Variants in CRADD observed in about 807,000 individuals in gnomAD.
CRADD encodes death domain-containing protein CRADD.
A neutral mutation model predicts 15.5 loss-of-function variants in CRADD; 9 were observed. That is an observed-to-expected ratio of 0.58 (90% CI 0.35 to 1.01). The LOEUF is 1.01. Among genes scored for constraint, CRADD ranks in the 50% least tolerant of loss-of-function variants. The pLI, the probability that CRADD is intolerant of heterozygous loss-of-function variation, is 0.02. For missense variants in CRADD, 227 were observed against 250.3 expected (o/e 0.91, Z 0.63); for synonymous variants, 118 against 107.6 (o/e 1.10, Z -0.60).
chr12:93,828,477 T>C (rs184843224), intron 2 of CRADD, among the ~76,000 whole-genome samples: 1 of 152,380 alleles, frequency 6.6e-6, no homozygotes, highest in Non-Finnish European at 1.5e-5. Context: ...GTTGAATTAA[T>C]TTTTGTGTAT....
intron 2 of CRADD, among the ~76,000 whole-genome samples, chr12:93,704,891 G>GTGT (rs1248352901): frequency 5.9e-5 from 9 of 152,152 alleles, no homozygotes; most frequent in African/African-American, 2.2e-4. Flanking sequence ...TCTGTGCCTG[G>GTGT]TGTGCCCTGC....
chr12:93,806,476 A>AAAAG (rs1957540692), intron 2 of CRADD, among the ~76,000 whole-genome samples: 2 of 150,176 alleles, frequency 1.3e-5, no homozygotes, highest in African/African-American at 4.9e-5. Flanking sequence ...AAAAAAACAA[A>AAAAG]AAAAAGAAAA....
chr12:93,806,794 G>A (rs1293718585), intron 2 of CRADD, among the ~76,000 whole-genome samples: 1 of 152,126 alleles, frequency 6.6e-6, no homozygotes, highest in Non-Finnish European at 1.5e-5. Flanking sequence ...AGGTTTTAAT[G>A]ACCTTATTGA....
chr12:93,779,535 A>G (rs1957177201), intron 2 of CRADD, among the ~76,000 whole-genome samples: 1 of 152,096 alleles, frequency 6.6e-6, no homozygotes, highest in Admixed American at 6.5e-5. Flanking sequence ...GAGAAATAAA[A>G]AGAAAGTTTC....
chr12:93,888,528 G>A (rs141690728), intron 2 of CRADD, among the ~76,000 whole-genome samples: 9 of 152,264 alleles, frequency 5.9e-5, no homozygotes, highest in African/African-American at 1.7e-4. Context: ...TGTTGCAAGG[G>A]TTTAAGCATG....
intron 2 of CRADD, among the ~76,000 whole-genome samples, chr12:93,812,125 G>A (rs1957634666): frequency 6.6e-6 from 1 of 152,180 alleles, no homozygotes; most frequent in Non-Finnish European, 1.5e-5. Context: ...AAGGGAGTAA[G>A]GGATGAGTTG....
intron 2 of CRADD, among the ~76,000 whole-genome samples, chr12:93,843,417 G>A (rs1958073625): frequency 8.3e-6 from 1 of 119,870 alleles, no homozygotes; most frequent in African/African-American, 3.2e-5. Context: ...GTCTTGCTCT[G>A]TTGTCCAGGT....
At chr12:93,859,338 A>G (rs1019449581) in intron 2 of CRADD, 6 of 456,004 alleles carry the variant, frequency 1.3e-5, no homozygotes, top group South Asian at 7.7e-5. Flanking sequence ...CATGATCCTT[A>G]TGATGGGGAG....
intron 2 of CRADD, among the ~76,000 whole-genome samples, chr12:93,867,726 A>G (rs1038862992): frequency 1.3e-5 from 2 of 152,170 alleles, no homozygotes. Flanking sequence ...TGGTAGAAGA[A>G]CACTAGGAAA....
At chr12:93,852,836 A>AGTGTGTGTGTGT (rs58175344), downstream of CRADD, among the ~76,000 whole-genome samples, 15 of 149,492 alleles carry the variant, frequency 1.0e-4, no homozygotes, top group African/African-American at 3.4e-4. Context: ...GTTGGGTTGG[A>AGTGTGTGTGTGT]GTGTGTGTGT....
chr12:93,852,706 G>T (rs1958238201), downstream of CRADD, among the ~76,000 whole-genome samples: 1 of 152,192 alleles, frequency 6.6e-6, no homozygotes, highest in Non-Finnish European at 1.5e-5. Context: ...TATGGGAGAA[G>T]ATTCTACAAT....
At chr12:93,832,890 C>A (rs1295546065) in intron 2 of CRADD, among the ~76,000 whole-genome samples, 1 of 152,204 alleles carries the variant, frequency 6.6e-6, no homozygotes, top group Non-Finnish European at 1.5e-5. Context: ...GTTGAACTTA[C>A]AATAGTTATC....
rs920054947 is a variant in CRADD, at chr12:93,763,423, G to A, written c.298+84351G>A. ...GGGCAAATTCACAGCTCAGTTTCAG[G>A]GGGCTGCAAGTCAAGTCAATATTTT... is the stretch of plus-strand genomic sequence containing the variant. On this transcript the variant is annotated intron_variant, in intron 2 of 2. Transcript: ENST00000332896. Among the ~76,000 whole-genome samples, 13 of 151,868 alleles carry A rather than the reference G, an allele frequency of 8.6e-5. 1 individual carries two copies. Among genetic ancestry groups the A allele is most frequent in the Admixed American group, 8.5e-4 (13 of 15,248 alleles).
chr12:93,861,270 CAT>C (rs1958317488), intron 2 of CRADD, among the ~76,000 whole-genome samples: 1 of 152,170 alleles, frequency 6.6e-6, no homozygotes, highest in Non-Finnish European at 1.5e-5. Context: ...CACCATCTAA[CAT>C]ATTTTCAAAG....
intron 2 of CRADD, among the ~76,000 whole-genome samples, chr12:93,718,853 G>A (rs2136882377): frequency 1.3e-5 from 2 of 151,822 alleles, no homozygotes; most frequent in African/African-American, 4.8e-5. Flanking sequence ...TTGATCTCAT[G>A]GGCTGAAGTA....
At chr12:93,678,629 G>A in intron 1 of CRADD, 140 bp from the exon 2 acceptor site, 1 of 796,538 alleles carries the variant, frequency 1.3e-6, no homozygotes, top group Non-Finnish European at 2.0e-6. Flanking sequence ...GGCTTAATCA[G>A]TGAATTAAAT....
At position 93,837,255 on chromosome 12, in the gene CRADD, G is replaced by A. The variant is rs1389805841; in HGVS notation, c.299-12715G>A. 4.3e-5 allele frequency: 5 copies of A among 115,352 alleles called. No homozygotes were observed. In the East Asian group the frequency reaches 9.6e-4, roughly 22 times the overall value. The allele number at this position is 115,352 out of a possible 1,614,324, so 7.1% of individuals were successfully genotyped here. A position where few individuals can be genotyped will look rare whatever the true frequency, so the allele number is the denominator to read the frequency against. ...AGATATTCATTTCACGTTTTTGTTT[G>A]TTTGTTTGTTTGTTTGTTTTTGTTT... is the stretch of plus-strand genomic sequence containing the variant. On this transcript the variant is annotated intron_variant, in intron 2 of 2. Coordinates refer to ENST00000332896, the MANE Select transcript of CRADD (RefSeq NM_003805.5).
chr12:93,811,311 A>G (rs772955275), intron 2 of CRADD, among the ~76,000 whole-genome samples: 13 of 152,238 alleles, frequency 8.5e-5, no homozygotes, highest in Non-Finnish European at 1.9e-4. Context: ...GCAGAGGAGG[A>G]AGAAAAAAGT....
intron 2 of CRADD, among the ~76,000 whole-genome samples, chr12:93,820,873 C>T (rs1208122225): frequency 6.6e-6 from 1 of 152,196 alleles, no homozygotes; most frequent in Non-Finnish European, 1.5e-5. Context: ...CCTGCAGTCC[C>T]ACGCTGTGTC....
Sources: allele counts gnomAD v4.1 joint callset (sites outside exome capture counted in the v4.1 genomes callset), GRCh38; gene constraint gnomAD v4.1.1; transcripts MANE v1.5; gene names NCBI Gene and HGNC (gene_info 2026-07-23, HGNC 2026-07-21).